ARHGAP40: variants seen among roughly 807,000 people sequenced by gnomAD.
The protein encoded by ARHGAP40 is Rho GTPase activating protein 40.
ARHGAP40 carries 43 observed loss-of-function variants against 73.5 expected under a neutral mutation model. The observed-to-expected ratio is 0.58, with a 90% confidence interval of 0.46 to 0.75. ARHGAP40 has a LOEUF of 0.75. ARHGAP40 is among the 30% of genes least tolerant of loss of function. The probability of loss-of-function intolerance (pLI) is 0.00; values close to 1 mark genes in which losing one functional copy is unlikely to be tolerated. For missense variants in ARHGAP40, 734 were observed against 861.8 expected, an observed-to-expected ratio of 0.85 and a Z score of 1.86; for synonymous variants, 300 against 352.8, an observed-to-expected ratio of 0.85 and a Z score of 1.68.
At position 38,638,126 on chromosome 20, in the gene ARHGAP40, G is replaced by A. The variant is rs148742505; in HGVS notation, c.1041+327G>A. Among the ~76,000 whole-genome samples the A allele has an allele frequency of 2.5e-3, 375 of 151,038 alleles. 1 individual carries two copies. The highest frequency in any genetic ancestry group is 8.7e-3 in the African/African-American group (360 of 41,192). On this transcript the variant is annotated intron_variant, in intron 7 of 14. Coordinates refer to ENST00000373345, the Ensembl canonical transcript of ARHGAP40. ...ATATCAAGACCATCCTGGTTAACAC[G>A]GTGAAACCCCATCTCTACTAAAAAT...
chr20:38,647,375 TGTTG>T (rs61240296), intron 13 of ARHGAP40, among the ~76,000 whole-genome samples: 88,780 of 150,014 alleles, frequency 0.59, 26,217 homozygotes, highest in African/African-American at 0.68. Context: ...CATGTTTTTC[TGTTG>T]GTTTGTTTGT....
chr20:38,638,153 C>CA (rs56186972), intron 7 of ARHGAP40, among the ~76,000 whole-genome samples: 71,629 of 144,558 alleles, frequency 0.5, 18,136 homozygotes, highest in South Asian at 0.63. Flanking sequence ...ACTAAAAATA[C>CA]AAAAAAAAAA....
chr20:38,604,068 G>A lies in ARHGAP40; in HGVS notation c.137+1989G>A, dbSNP rs116940543. Among the ~76,000 whole-genome samples, 14 of 152,280 alleles carry A rather than the reference G, an allele frequency of 9.2e-5. No individual in the cohort carries two copies. The East Asian group carries it at 2.7e-3, about 29-fold the overall frequency. On this transcript the variant is annotated intron_variant, in intron 1 of 14. Transcript: ENST00000373345. ...CACAAATACTGAGGATTAGGATGTG[G>A]ACATCTTGGGGAGCTGTTATTCAGC...
At chr20:38,640,218 CTTT>C (rs1332037073) in intron 9 of ARHGAP40, among the ~76,000 whole-genome samples, 1 of 91,108 alleles carries the variant, frequency 1.1e-5, no homozygotes, top group Non-Finnish European at 2.5e-5. Flanking sequence ...TTCTTTCTTT[CTTT>C]TTTTTTTTTT....
intron 14 of ARHGAP40, among the ~76,000 whole-genome samples, chr20:38,649,381 G>C (rs1392080044): frequency 1.3e-5 from 2 of 152,224 alleles, no homozygotes; most frequent in Non-Finnish European, 2.9e-5. Context: ...CCAAGGGACA[G>C]AGTGAAGGAG....
chr20:38,612,177 T>C (rs1313986938), intron 1 of ARHGAP40, among the ~76,000 whole-genome samples: 2 of 152,254 alleles, frequency 1.3e-5, no homozygotes, highest in Non-Finnish European at 2.9e-5. Flanking sequence ...ATATGAAGTC[T>C]TCAAAATCCA....
At chr20:38,618,180 A>G (rs2088853764) in intron 1 of ARHGAP40, among the ~76,000 whole-genome samples, 1 of 151,564 alleles carries the variant, frequency 6.6e-6, no homozygotes, top group African/African-American at 2.4e-5. Context: ...GTTCACTGTA[A>G]TCTCTGCCTC....
chr20:38,637,738 G>A (rs1195883825), exon 7 of ARHGAP40: 2 of 1,305,292 alleles, frequency 1.5e-6, no homozygotes, highest in Admixed American at 2.3e-5. Flanking sequence ...CCCCTTGACA[G>A]CCTGCTAGAA....
At chr20:38,626,874 A>G (rs2088901212) in intron 2 of ARHGAP40, 121 bp from the exon 3 acceptor site, 1 of 715,088 alleles carries the variant, frequency 1.4e-6, no homozygotes, top group Admixed American at 3.2e-5. Context: ...AGGTCTCACG[A>G]TCAGATATGC....
At chr20:38,611,413 CTT>C (rs11482396) in intron 1 of ARHGAP40, among the ~76,000 whole-genome samples, 10 of 118,314 alleles carry the variant, frequency 8.5e-5, no homozygotes, top group East Asian at 5.1e-4. Context: ...CTATTTAAAA[CTT>C]TTTTTTTTTT....
Position 38,646,283 on chromosome 20 carries a change from G to C in ARHGAP40, c.1710+96G>C. 8.5e-7 allele frequency: 1 copy of C among 1,177,108 alleles called. No individual in the cohort carries two copies. Among genetic ancestry groups the C allele is most frequent in the Non-Finnish European group, 1.1e-6 (1 of 926,226 alleles). 72.9% of individuals were successfully genotyped at this position (1,177,108 alleles called of 1,614,324 possible). A position where few individuals can be genotyped will look rare whatever the true frequency, so the allele number is the denominator to read the frequency against. On this transcript the variant is annotated intron_variant, in intron 12 of 14. Coordinates refer to ENST00000373345, the Ensembl canonical transcript of ARHGAP40. The surrounding 1 kb of genome is among the most constrained non-coding windows in gnomAD (Gnocchi z 4.5). ...TCCCTTCCTCCAGGTCCCCGCTACC[G>C]GGCTGCCAGCAACGGCCCAGTGAGG...
chr20:38,631,957 A>C (rs2088942125), intron 5 of ARHGAP40, among the ~76,000 whole-genome samples: 1 of 152,014 alleles, frequency 6.6e-6, no homozygotes, highest in Non-Finnish European at 1.5e-5. Flanking sequence ...ATATTTATTT[A>C]TTTATTTATT....
At chr20:38,644,138 T>C (rs1005111174) in intron 11 of ARHGAP40, among the ~76,000 whole-genome samples, 2 of 152,166 alleles carry the variant, frequency 1.3e-5, no homozygotes, top group Non-Finnish European at 2.9e-5. Context: ...TCTGCTGCCA[T>C]CTGGTCTACC....
intron 2 of ARHGAP40, among the ~76,000 whole-genome samples, chr20:38,625,466 TG>T (rs1481100275): frequency 6.6e-6 from 1 of 152,138 alleles, no homozygotes; most frequent in African/African-American, 2.4e-5. Flanking sequence ...TCACCCAGAC[TG>T]GGGTGCAGTG....
chr20:38,643,392 G>A (rs1372736006), intron 10 of ARHGAP40, among the ~76,000 whole-genome samples: 1 of 152,168 alleles, frequency 6.6e-6, no homozygotes, highest in African/African-American at 2.4e-5. Flanking sequence ...GGCCTCACCA[G>A]GAAATGACCC....
intron 1 of ARHGAP40, among the ~76,000 whole-genome samples, chr20:38,617,529 A>C (rs971517137): frequency 6.6e-6 from 1 of 151,742 alleles, no homozygotes; most frequent in African/African-American, 2.4e-5. Context: ...TGAGCAGGGG[A>C]GCTTGGATGG....
At position 38,610,431 on chromosome 20, in the gene ARHGAP40, GT is replaced by G. The variant is rs374402839; in HGVS notation, c.137+8355del. ...ACCAAGCTCTGTAATATATTTTAAG[GT>G]TTATTCTGAGCCAATGTAAGAGACC... On this transcript the variant is annotated intron_variant, in intron 1 of 14. Transcript: ENST00000373345. Among the ~76,000 whole-genome samples the G allele has an allele frequency of 3.4e-4, 52 of 152,280 alleles. 1 individual carries two copies. The highest frequency in any genetic ancestry group is 3.4e-3 in the Middle Eastern group (1 of 294).
intron 1 of ARHGAP40, among the ~76,000 whole-genome samples, chr20:38,618,149 G>GACAA (rs2088853500): frequency 6.6e-6 from 1 of 151,628 alleles, no homozygotes; most frequent in Non-Finnish European, 1.5e-5. Flanking sequence ...ACCTGGGCTG[G>GACAA]AGTGCAGTGG....
chr20:38,637,681 G>A (rs1371369803), intron 6 of ARHGAP40, 27 bp from the exon 7 acceptor site: 2 of 1,302,106 alleles, frequency 1.5e-6, no homozygotes, highest in African/African-American at 1.5e-5. Flanking sequence ...GAAGTGAAAT[G>A]TGCCTCTGCT....
Sources: gnomAD v4.1 joint callset for allele counts (sites outside exome capture counted in the v4.1 genomes callset) on GRCh38, gnomAD v4.1.1 for gene constraint, Gnocchi (gnomAD v3.1) non-coding constraint, MANE v1.5 for transcripts, NCBI Gene and HGNC (gene_info 2026-07-23, HGNC 2026-07-21) for gene names.